The following COL23A1 variants were observed in gnomAD, a reference collection of about 807,000 sequenced individuals.
COL23A1 encodes collagen alpha-1(XXIII) chain.
COL23A1 carries 97 observed loss-of-function variants against 99.3 expected under a neutral mutation model. The observed-to-expected ratio is 0.98, with a 90% confidence interval of 0.83 to 1.16. The LOEUF (loss-of-function observed/expected upper bound fraction) is 1.16. Ranked by LOEUF, COL23A1 falls within the 50% of genes most tolerant of loss-of-function variation. The probability of loss-of-function intolerance (pLI) is 0.00; values close to 1 mark genes in which losing one functional copy is unlikely to be tolerated. For synonymous variants in COL23A1, 320 were observed against 308.2 expected (o/e 1.04, Z -0.40); for missense variants, 762 against 757.4 (o/e 1.01, Z -0.07).
At chr5:178,242,455 C>G (rs371806819) in intron 25 of COL23A1, 61 bp from the exon 26 acceptor site, 31 of 1,540,840 alleles carry the variant, frequency 2.0e-5, no homozygotes, top group Middle Eastern at 1.7e-4. Flanking sequence ...CCTCTGTTAC[C>G]GGCTCATCTC....
intron 8 of COL23A1, among the ~76,000 whole-genome samples, chr5:178,264,921 C>T (rs908669318): frequency 1.3e-5 from 2 of 152,224 alleles, no homozygotes; most frequent in Admixed American, 6.5e-5. Flanking sequence ...GCTGGGATTA[C>T]AGGCGTGAGC....
Position 178,458,659 on chromosome 5 carries a change from AAAAC to A in COL23A1, c.361+102019_361+102022del, listed in dbSNP as rs371316905. The stretch of plus-strand genomic sequence containing the variant: ...CTCCAAAAAAAAAAACACAAGAAAC[AAAAC>A]AAACAAACAAACAAACAAAAAATAA... On this transcript the variant is annotated intron_variant, in intron 2 of 28. Coordinates refer to ENST00000390654, the MANE Select transcript of COL23A1 (RefSeq NM_173465.4). 1.6e-3 allele frequency among the ~76,000 whole-genome samples: 240 copies of A among 151,474 alleles called. 1 individual carries two copies. Among genetic ancestry groups the A allele is most frequent in the African/African-American group, 4.4e-3 (184 of 41,398 alleles).
chr5:178,255,796 C>A lies in COL23A1; in HGVS notation c.882+557G>T. ...TCCCGCTCCCCACCACCTGCACAGC[C>A]AGGCGGGGGCTCAGATCCATTTTTT... On this transcript the variant is annotated intron_variant, in intron 15 of 28. Transcript: ENST00000390654. This position sits in a 1 kb window ranked among gnomAD's most constrained non-coding sequence, Gnocchi z 4.2. 1 of 381,488 alleles carries A rather than the reference C, an allele frequency of 2.6e-6. No individual in the cohort carries two copies. Among genetic ancestry groups the A allele is most frequent in the Non-Finnish European group, 5.4e-6 (1 of 184,284 alleles). The allele number at this position is 381,488 out of a possible 1,614,324, so 23.6% of individuals were successfully genotyped here.
intron 2 of COL23A1, among the ~76,000 whole-genome samples, chr5:178,317,584 C>T (rs539966147): frequency 6.6e-6 from 1 of 152,332 alleles, no homozygotes; most frequent in East Asian, 1.9e-4. Flanking sequence ...CAATCATGAA[C>T]ATCTTGAAGA....
intron 25 of COL23A1, among the ~76,000 whole-genome samples, chr5:178,245,398 AATGG>A (rs1333937464): frequency 2.0e-5 from 3 of 147,662 alleles, no homozygotes; most frequent in African/African-American, 7.6e-5. Flanking sequence ...TAGATAGATG[AATGG>A]ATGGATGAGT....
chr5:178,543,071 G>A (rs1176941656), intron 2 of COL23A1, among the ~76,000 whole-genome samples: 1 of 152,000 alleles, frequency 6.6e-6, no homozygotes, highest in Non-Finnish European at 1.5e-5. Context: ...TGTGTTCGAG[G>A]GTTGGAGAGT....
intron 1 of COL23A1, among the ~76,000 whole-genome samples, chr5:178,567,320 A>C (rs1392520761): frequency 6.6e-6 from 1 of 152,220 alleles, no homozygotes; most frequent in South Asian, 2.1e-4. Context: ...TGGAGAGATG[A>C]GAAATGAGAA....
chr5:178,440,235 AC>A (rs1016199412), intron 2 of COL23A1, among the ~76,000 whole-genome samples: 1 of 152,188 alleles, frequency 6.6e-6, no homozygotes, highest in African/African-American at 2.4e-5. Flanking sequence ...CTTGCTGGAC[AC>A]CCAATGTGCT....
At chr5:178,264,665 G>T (rs1195144737) in intron 8 of COL23A1, among the ~76,000 whole-genome samples, 2 of 152,164 alleles carry the variant, frequency 1.3e-5, no homozygotes, top group South Asian at 2.1e-4. Flanking sequence ...TTTTTTGTTT[G>T]TTTTTTTGAG....
intron 2 of COL23A1, among the ~76,000 whole-genome samples, chr5:178,426,436 G>A (rs556985847): frequency 6.6e-6 from 1 of 152,320 alleles, no homozygotes; most frequent in African/African-American, 2.4e-5. Flanking sequence ...GGGAATGCCT[G>A]GGCCACCCTG....
At chr5:178,579,522 C>T (rs772812170) in intron 1 of COL23A1, among the ~76,000 whole-genome samples, 2 of 152,080 alleles carry the variant, frequency 1.3e-5, no homozygotes, top group Non-Finnish European at 2.9e-5. Context: ...GGCGAGATCT[C>T]GGCTCACTAC....
chr5:178,528,145 C>CT (rs1400267728), intron 2 of COL23A1, among the ~76,000 whole-genome samples: 1 of 152,190 alleles, frequency 6.6e-6, no homozygotes, highest in African/African-American at 2.4e-5. Flanking sequence ...CTCCTGCCAC[C>CT]TGTTCTACCC....
intron 2 of COL23A1, among the ~76,000 whole-genome samples, chr5:178,517,868 C>T (rs1356323429): frequency 9.2e-6 from 1 of 108,356 alleles, no homozygotes; most frequent in East Asian, 3.4e-4. Context: ...CCAGCAACAG[C>T]GGTTCTTTTT....
At chr5:178,473,455 C>T (rs1756866142) in intron 2 of COL23A1, among the ~76,000 whole-genome samples, 5 of 138,260 alleles carry the variant, frequency 3.6e-5, no homozygotes, top group South Asian at 2.4e-4. Flanking sequence ...CCACTACATC[C>T]GGCTAATTTT....
intron 17 of COL23A1, 82 bp downstream of exon 17, chr5:178,252,462 A>T: frequency 7.5e-7 from 1 of 1,340,298 alleles, no homozygotes; most frequent in Non-Finnish European, 1.0e-6. Flanking sequence ...GAAGTGGAAC[A>T]GGGTCACAGA....
At chr5:178,571,445 T>C (rs963525959) in intron 1 of COL23A1, among the ~76,000 whole-genome samples, 1 of 152,088 alleles carries the variant, frequency 6.6e-6, no homozygotes, top group Non-Finnish European at 1.5e-5. Context: ...TAGGGAAGAA[T>C]TAACCCTAGG....
Position 178,589,930 on chromosome 5 carries a change from G to A in COL23A1, c.268C>T (p.Pro90Ser), listed in dbSNP as rs1435034068. The A allele has an allele frequency of 6.1e-6, 8 of 1,322,056 alleles. No homozygotes were observed. Among genetic ancestry groups the A allele is most frequent in the South Asian group, 2.1e-5 (1 of 48,012 alleles). The allele number at this position is 1,322,056 out of a possible 1,614,324, so 81.9% of individuals were successfully genotyped here. ...TCCCGCAGCAGGCGCTCCAGGTGCG[G>A]CTCGGCCCAGGCGTCCAGGGCGCCT... ...PPGALDAWAE[P>S]HLERLLREKL... The change falls in exon 1 of 29, where the codon CCG (proline) becomes TCG (serine). Residue 90 changes from proline (P) to serine (S), a missense_variant. Physicochemically the swap from Pro to Ser is moderately conservative, Grantham distance 74. Coordinates refer to ENST00000390654, the MANE Select transcript of COL23A1 (RefSeq NM_173465.4). The surrounding 1 kb of genome is among the most constrained non-coding windows in gnomAD (Gnocchi z 5.4).
intron 4 of COL23A1, among the ~76,000 whole-genome samples, chr5:178,290,054 C>T (rs985436216): frequency 6.6e-6 from 1 of 152,104 alleles, no homozygotes; most frequent in African/African-American, 2.4e-5. Flanking sequence ...GCCTCGATTT[C>T]CTGAGTAGCT....
rs939124849 is a variant in COL23A1 at position 178,308,473 on chromosome 5, T to C, written c.362-1554A>G. ...GGACACAGACCCTGAATTTGGGGTT[T>C]ATGCTGGAATTGCCAGGGGCTGTGT... is the stretch of plus-strand genomic sequence containing the variant. On this transcript the variant is annotated intron_variant, in intron 2 of 28. Transcript: ENST00000390654. The surrounding 1 kb of genome is among the most constrained non-coding windows in gnomAD (Gnocchi z 5.1). 6.6e-6 allele frequency among the ~76,000 whole-genome samples: 1 copy of C among 152,214 alleles called. No individual in the cohort carries two copies.
Sources: allele counts gnomAD v4.1 joint callset (sites outside exome capture counted in the v4.1 genomes callset), GRCh38; gene constraint gnomAD v4.1.1; non-coding constraint Gnocchi (gnomAD v3.1); transcripts MANE v1.5; gene names NCBI Gene and HGNC (gene_info 2026-07-23, HGNC 2026-07-21).